The following ARHGEF3 variants were observed in gnomAD, a reference collection of about 807,000 sequenced individuals.
The protein encoded by ARHGEF3 is Rho guanine nucleotide exchange factor 3, also known as 59.8 kDA protein.
Under a neutral mutation model 63.2 loss-of-function variants are expected in ARHGEF3, and 28 were observed. The ratio of observed to expected loss-of-function variants is 0.44; its 90% CI spans 0.33 to 0.61. The LOEUF is 0.61. Ranked by LOEUF, ARHGEF3 falls within the 20% of genes least tolerant of loss-of-function variation. The pLI is 0.03. For missense variants in ARHGEF3, 533 were observed against 659.3 expected, an observed-to-expected ratio of 0.81 and a Z score of 2.10; for synonymous variants, 266 against 254.2, an observed-to-expected ratio of 1.05 and a Z score of -0.44.
chr3:56,733,955 G>A (rs960522380), intron 8 of ARHGEF3, among the ~76,000 whole-genome samples: 9 of 131,418 alleles, frequency 6.8e-5, no homozygotes, highest in Non-Finnish European at 1.5e-5. Context: ...TTGCACTCCA[G>A]TCTGGGCGAC....
chr3:56,853,484 G>A (rs1348376490), intron 4 of ARHGEF3, among the ~76,000 whole-genome samples: 1 of 152,096 alleles, frequency 6.6e-6, no homozygotes, highest in Non-Finnish European at 1.5e-5. Flanking sequence ...TTACAGGCAT[G>A]TGCCACCACG....
chr3:56,844,467 C>T (rs1399639972), intron 4 of ARHGEF3, among the ~76,000 whole-genome samples: 2 of 151,960 alleles, frequency 1.3e-5, no homozygotes, highest in African/African-American at 4.8e-5. Flanking sequence ...TATTTAGAAA[C>T]AAATAAAAGA....
chr3:56,887,583 C>T (rs2040966916), intron 3 of ARHGEF3, among the ~76,000 whole-genome samples: 1 of 152,170 alleles, frequency 6.6e-6, no homozygotes, highest in Non-Finnish European at 1.5e-5. Context: ...ACTTCCTCTG[C>T]ATAAAAAACC....
intron 4 of ARHGEF3, among the ~76,000 whole-genome samples, chr3:56,854,601 G>C (rs1418065278): frequency 6.6e-6 from 1 of 152,138 alleles, no homozygotes; most frequent in Non-Finnish European, 1.5e-5. Flanking sequence ...GCCTCTGAAA[G>C]GTAGAGTCAC....
At chr3:56,945,484 T>A (rs1222446549) in intron 3 of ARHGEF3, among the ~76,000 whole-genome samples, 1 of 152,148 alleles carries the variant, frequency 6.6e-6, no homozygotes, top group African/African-American at 2.4e-5. Flanking sequence ...TGTGCCTGGC[T>A]TGGAGGGTCC....
intron 4 of ARHGEF3, among the ~76,000 whole-genome samples, chr3:56,867,575 C>G (rs35637558): frequency 0.21 from 32,425 of 151,996 alleles, 4,669 homozygotes; most frequent in East Asian, 0.61. Context: ...TGGGCTCAAG[C>G]AGTCCTCCTG....
chr3:56,958,528 C>T (rs1390832310), intron 3 of ARHGEF3, among the ~76,000 whole-genome samples: 2 of 151,804 alleles, frequency 1.3e-5, no homozygotes, highest in Non-Finnish European at 2.9e-5. Flanking sequence ...GTAGCAGCTT[C>T]GCCATGTTGC....
At chr3:56,956,237 T>C (rs1194231532) in intron 3 of ARHGEF3, among the ~76,000 whole-genome samples, 2 of 151,982 alleles carry the variant, frequency 1.3e-5, no homozygotes, top group Admixed American at 6.6e-5. Context: ...TTTTTGTTTG[T>C]TTGTTTTCCT....
At chr3:56,754,130 C>T (rs1330973465) in intron 3 of ARHGEF3, among the ~76,000 whole-genome samples, 1 of 152,210 alleles carries the variant, frequency 6.6e-6, no homozygotes, top group East Asian at 1.9e-4. Flanking sequence ...TAAACCACTT[C>T]TCAGCCCCAC....
intron 1 of ARHGEF3, among the ~76,000 whole-genome samples, chr3:57,055,735 A>G (rs1704900116): frequency 6.6e-6 from 1 of 152,124 alleles, no homozygotes; most frequent in South Asian, 2.1e-4. Flanking sequence ...CTGACACCCA[A>G]TCCTTTATCT....
At chr3:57,048,509 A>G (rs893981103) in intron 1 of ARHGEF3, among the ~76,000 whole-genome samples, 1 of 152,170 alleles carries the variant, frequency 6.6e-6, no homozygotes, top group Non-Finnish European at 1.5e-5. Flanking sequence ...CCATTTGGTT[A>G]TAATCATTCT....
chr3:57,054,776 G>A (rs1262019700), intron 1 of ARHGEF3, among the ~76,000 whole-genome samples: 12 of 150,826 alleles, frequency 8.0e-5, no homozygotes, highest in Admixed American at 8.0e-4. Flanking sequence ...TTAGCCTCCC[G>A]AGTAGCTGGG....
At chr3:56,941,909 C>T (rs1699208187) in intron 3 of ARHGEF3, among the ~76,000 whole-genome samples, 1 of 152,172 alleles carries the variant, frequency 6.6e-6, no homozygotes, top group Non-Finnish European at 1.5e-5. Context: ...ATCAATTGCA[C>T]TTGTTACAAT....
At chr3:56,892,605 T>G (rs1402199898) in intron 3 of ARHGEF3, among the ~76,000 whole-genome samples, 2 of 152,216 alleles carry the variant, frequency 1.3e-5, no homozygotes, top group African/African-American at 4.8e-5. Context: ...TATATGCAGT[T>G]TAGGGAATGT....
At chr3:56,887,496 A>G (rs2040963216) in intron 3 of ARHGEF3, among the ~76,000 whole-genome samples, 1 of 152,186 alleles carries the variant, frequency 6.6e-6, no homozygotes, top group South Asian at 2.1e-4. Flanking sequence ...GGGTGACAAG[A>G]CCTGGCACAT....
At chr3:57,037,535 C>T (rs888012672) in intron 1 of ARHGEF3, among the ~76,000 whole-genome samples, 3 of 152,358 alleles carry the variant, frequency 2.0e-5, no homozygotes, top group African/African-American at 7.2e-5. Flanking sequence ...TAGGCTTTTC[C>T]TTTCCCATAT....
chr3:56,972,627 A>G (rs534485132), intron 2 of ARHGEF3, among the ~76,000 whole-genome samples: 1 of 152,108 alleles, frequency 6.6e-6, no homozygotes, highest in East Asian at 1.9e-4. Context: ...TCTTAGGTGG[A>G]CAGGATAGCT....
upstream of ARHGEF3, among the ~76,000 whole-genome samples, chr3:56,802,808 T>G (rs1365364057): frequency 2.0e-5 from 3 of 152,222 alleles, no homozygotes; most frequent in Non-Finnish European, 4.4e-5. Flanking sequence ...GCAGCAGCCC[T>G]GTCTGGGGCA....
intron 7 of ARHGEF3, among the ~76,000 whole-genome samples, chr3:56,744,539 T>A (rs921950609): frequency 1.3e-5 from 2 of 151,986 alleles, no homozygotes; most frequent in Non-Finnish European, 2.9e-5. Context: ...GCTGGGATTA[T>A]AGGCATATGC....
Sources: allele counts gnomAD v4.1 joint callset (sites outside exome capture counted in the v4.1 genomes callset), GRCh38; gene constraint gnomAD v4.1.1; transcripts MANE v1.5; gene names NCBI Gene and HGNC (gene_info 2026-07-23, HGNC 2026-07-21).